FAM135B: variants seen among roughly 807,000 people sequenced by gnomAD.
The protein encoded by FAM135B is protein FAM135B.
FAM135B carries 43 observed loss-of-function variants against 127.7 expected under a neutral mutation model. The observed-to-expected ratio is 0.34, with a 90% CI of 0.26 to 0.43. The LOEUF is 0.43. Ranked by LOEUF, FAM135B falls within the 20% of genes least tolerant of loss-of-function variation. The probability of loss-of-function intolerance (pLI) is 1.00; values close to 1 mark genes in which losing one functional copy is unlikely to be tolerated. For missense variants in FAM135B, 1,558 were observed against 1,725.6 expected (o/e 0.90, Z 1.72); for synonymous variants, 670 against 665.1 (o/e 1.01, Z -0.11).
At position 138,232,738 on chromosome 8, in the gene FAM135B, G is replaced by A. The variant is rs577919271; in HGVS notation, c.669+10204C>T. Among the ~76,000 whole-genome samples the A allele has an allele frequency of 1.6e-4, 25 of 152,186 alleles. No homozygotes were observed. The East Asian group carries it at 4.1e-3, about 25-fold the overall frequency. On this transcript the variant is annotated intron_variant, in intron 7 of 19. Coordinates refer to ENST00000395297, the MANE Select transcript of FAM135B (RefSeq NM_015912.4). ...TAAAACTTTTTTCTTTAAATAACTT[G>A]TGTTTTTATGTTTTCTTGGTAACTT...
At chr8:138,468,041 C>T (rs74733477) in intron 1 of FAM135B, among the ~76,000 whole-genome samples, 5,698 of 152,074 alleles carry the variant, frequency 0.037, 290 homozygotes, top group African/African-American at 0.11. Flanking sequence ...GGCATTCATG[C>T]GCTGATAAAG....
intron 2 of FAM135B, among the ~76,000 whole-genome samples, chr8:138,353,634 C>A (rs1829911525): frequency 6.6e-6 from 1 of 152,152 alleles, no homozygotes; most frequent in African/African-American, 2.4e-5. Context: ...AGACAAACAG[C>A]TATGAATCCA....
chr8:138,172,329 T>G (rs1820538314), intron 11 of FAM135B, among the ~76,000 whole-genome samples: 1 of 152,200 alleles, frequency 6.6e-6, no homozygotes, highest in Non-Finnish European at 1.5e-5. Context: ...GACGTTCTCC[T>G]AGATCTTTGG....
In FAM135B at chr8:138,242,624, G is replaced by A. The variant is rs751370033; in HGVS notation, c.669+318C>T. Among the ~76,000 whole-genome samples, 1 of 152,132 alleles carries A rather than the reference G, an allele frequency of 6.6e-6. No homozygotes were observed. Among genetic ancestry groups the A allele is most frequent in the African/African-American group, 2.4e-5 (1 of 41,434 alleles). Reference sequence around the variant, plus strand: ...TTTGAAACCAGACATGGCCTTCAACGTTATCACATAGTCTGAGTGGCCCCC... The same window carrying A: ...TTTGAAACCAGACATGGCCTTCAACATTATCACATAGTCTGAGTGGCCCCC... On this transcript the variant is annotated intron_variant, in intron 7 of 19. Coordinates refer to ENST00000395297, the MANE Select transcript of FAM135B (RefSeq NM_015912.4). The surrounding 1 kb of genome is among the most constrained non-coding windows in gnomAD (Gnocchi z 9.6).
chr8:138,154,705 T>A (rs1003702276), intron 12 of FAM135B, among the ~76,000 whole-genome samples: 10 of 151,660 alleles, frequency 6.6e-5, no homozygotes, highest in African/African-American at 2.4e-5. Context: ...TGATTGAAGA[T>A]CAAATGAATG....
intron 4 of FAM135B, among the ~76,000 whole-genome samples, chr8:138,262,080 C>A (rs1822577008): frequency 6.6e-6 from 1 of 152,108 alleles, no homozygotes; most frequent in African/African-American, 2.4e-5. Context: ...TATTAGCTTA[C>A]AGAGAAAAGA....
Position 138,482,953 on chromosome 8 carries a change from C to T in FAM135B, c.-20+13718G>A, listed in dbSNP as rs937692946. Among the ~76,000 whole-genome samples, 3 of 152,104 alleles carry T rather than the reference C, an allele frequency of 2.0e-5. No homozygotes were observed. In the East Asian group the frequency reaches 5.8e-4, roughly 29 times the overall value. On this transcript the variant is annotated intron_variant, in intron 1 of 19. Coordinates refer to ENST00000395297, the MANE Select transcript of FAM135B (RefSeq NM_015912.4). ...CCATCCATCCATCTACCCAAGAATT[C>T]ATTTAATGACTCCATAAGCCACATT...
intron 3 of FAM135B, among the ~76,000 whole-genome samples, chr8:138,287,630 A>C (rs1252692182): frequency 1.3e-5 from 2 of 152,110 alleles, no homozygotes; most frequent in African/African-American, 4.8e-5. Context: ...ATGTTTAACA[A>C]CTGGCTTCCC....
chr8:138,476,367 G>T (rs1001349124), intron 1 of FAM135B, among the ~76,000 whole-genome samples: 7 of 152,170 alleles, frequency 4.6e-5, no homozygotes, highest in Middle Eastern at 6.8e-3. Context: ...GATTTGGGGT[G>T]ATAATGATTT....
chr8:138,338,346 T>C (rs1828773431), intron 2 of FAM135B, among the ~76,000 whole-genome samples: 1 of 151,878 alleles, frequency 6.6e-6, no homozygotes, highest in South Asian at 2.1e-4. Flanking sequence ...GAGAAAATTT[T>C]TGCAATCTAC....
rs757486935 is a variant in FAM135B at position 138,153,206 on chromosome 8, C to A, written c.1269G>T (p.Leu423Phe). 1.3e-6 allele frequency: 2 copies of A among 1,528,038 alleles called. No homozygotes were observed. The highest frequency in any genetic ancestry group is 1.7e-6 in the Non-Finnish European group (2 of 1,144,906). The allele number at this position is 1,528,038 out of a possible 1,614,324, so 94.7% of individuals were successfully genotyped here. Residue 423 changes from leucine to phenylalanine, a missense_variant, in exon 13 of 20, where the codon TTG becomes TTT. By Grantham distance (22) the Leu-to-Phe change is conservative (BLOSUM62 0). This residue lies in a region of FAM135B where 923 missense variants were observed against 865.3 expected (regional missense o/e 1.07). Coordinates refer to ENST00000395297, the MANE Select transcript of FAM135B (RefSeq NM_015912.4). ...YVDCPATGHN[L>F]SVYPNFDVPV... ...GAACATCAAAATTAGGATAAACACT[C>A]AAGTTATGCCCTACAAAAAAAAAAG...
chr8:138,208,644 C>T (rs1817899562), intron 7 of FAM135B, among the ~76,000 whole-genome samples: 1 of 152,228 alleles, frequency 6.6e-6, no homozygotes, highest in Non-Finnish European at 1.5e-5. Flanking sequence ...GGCTTTGCTC[C>T]TCCCTTTGGA....
intron 7 of FAM135B, among the ~76,000 whole-genome samples, chr8:138,237,071 G>A (rs928460509): frequency 2.6e-5 from 4 of 151,686 alleles, no homozygotes; most frequent in Non-Finnish European, 5.9e-5. Flanking sequence ...CCCTCCTTAT[G>A]TCAGTGAGAA....
rs569749116 is a variant in FAM135B, at chr8:138,380,620, T to A, written c.-19-12618A>T. Among the ~76,000 whole-genome samples the A allele has an allele frequency of 9.9e-5, 15 of 152,112 alleles. No homozygotes were observed. In the East Asian group the frequency reaches 2.3e-3, roughly 24 times the overall value. On this transcript the variant is annotated intron_variant, in intron 1 of 19. Transcript: ENST00000395297. ...CCCAGAAAAGGGAGTGGTTTGCCCA[T>A]AATCACAGAACAAATGTCCTCAGGA...
At chr8:138,296,467 A>G (rs1586995425) in intron 3 of FAM135B, among the ~76,000 whole-genome samples, 2 of 152,296 alleles carry the variant, frequency 1.3e-5, no homozygotes, top group African/African-American at 2.4e-5. Context: ...CCCCAACTCA[A>G]TCTTACATGG....
chr8:138,424,762 T>C (rs147626483), intron 1 of FAM135B, among the ~76,000 whole-genome samples: 153 of 152,338 alleles, frequency 1.0e-3, no homozygotes, highest in African/African-American at 3.5e-3. Flanking sequence ...GGATACTTAG[T>C]TGTTGTCTCA....
intron 1 of FAM135B, among the ~76,000 whole-genome samples, chr8:138,488,238 T>C (rs1186540058): frequency 6.6e-6 from 1 of 152,208 alleles, no homozygotes; most frequent in African/African-American, 2.4e-5. Context: ...TGTATCCTTC[T>C]ATTTTTTGAC....
chr8:138,247,884 C>A (rs1050716273), intron 6 of FAM135B, among the ~76,000 whole-genome samples: 2 of 152,230 alleles, frequency 1.3e-5, no homozygotes, highest in African/African-American at 2.4e-5. Flanking sequence ...ATCCCAAATT[C>A]ACTTTTCACT....
rs2130372439 is a variant in FAM135B, at chr8:138,242,480, T to C, written c.669+462A>G. Among the ~76,000 whole-genome samples, 1 of 152,174 alleles carries C rather than the reference T, an allele frequency of 6.6e-6. No individual in the cohort carries two copies. The highest frequency in any genetic ancestry group is 2.4e-5 in the African/African-American group (1 of 41,536). ...TGGATACCGGGCTAGGAACTTTACATTTATTACAACATTTGGGTACATATA... is the reference window on the plus strand; with the variant it reads ...TGGATACCGGGCTAGGAACTTTACACTTATTACAACATTTGGGTACATATA... On this transcript the variant is annotated intron_variant, in intron 7 of 19. Transcript: ENST00000395297. This position sits in a 1 kb window ranked among gnomAD's most constrained non-coding sequence, Gnocchi z 9.6.
Sources: gnomAD v4.1 joint callset for allele counts (sites outside exome capture counted in the v4.1 genomes callset) on GRCh38, gnomAD v4.1.1 for gene constraint, gnomAD v4.1.1 regional missense constraint, Gnocchi (gnomAD v3.1) non-coding constraint, MANE v1.5 for transcripts, NCBI Gene and HGNC (gene_info 2026-07-23, HGNC 2026-07-21) for gene names.